GLI2: variants seen among roughly 807,000 people sequenced by gnomAD.
The protein encoded by GLI2 is transcription activator GLI2.
A neutral mutation model predicts 78.9 loss-of-function variants in GLI2; 22 were observed. The ratio of observed to expected loss-of-function variants is 0.28; its 90% confidence interval spans 0.20 to 0.40. GLI2 has a LOEUF of 0.40. GLI2 is among the 10% of genes least tolerant of loss of function. The pLI is 1.00. For synonymous variants in GLI2, 974 were observed against 963.7 expected, an observed-to-expected ratio of 1.01 and a Z score of -0.20; for missense variants, 2,097 against 2,213.2, an observed-to-expected ratio of 0.95 and a Z score of 1.05.
At chr2:120,849,318 C>T (rs979606264) in intron 2 of GLI2, among the ~76,000 whole-genome samples, 1 of 152,118 alleles carries the variant, frequency 6.6e-6, no homozygotes. Context: ...AATGGTAAGT[C>T]TTATGTTATA....
At position 120,968,840 on chromosome 2, in the gene GLI2, T is replaced by C. The variant is rs1573698341; in HGVS notation, c.770T>C (p.Val257Ala). The C allele has an allele frequency of 1.2e-6, 2 of 1,613,844 alleles. No homozygotes were observed. The highest frequency in any genetic ancestry group is 8.5e-7 in the Non-Finnish European group (1 of 1,179,964). The change falls in exon 6 of 14, where the codon GTG becomes GCG. Residue 257 changes from valine to alanine, a missense_variant. Physicochemically the swap from Val to Ala is moderately conservative, Grantham distance 64. Around this residue, in one of 5 missense-constraint regions of GLI2, gnomAD observed 578 missense variants for 612.0 expected, o/e 0.94. Coordinates refer to ENST00000361492, the MANE Select transcript of GLI2 (RefSeq NM_001374353.1). ...RMIRTSPNSL[V>A]AYINNSRSSS... ...ATCCGCACCTCACCCAACTCGCTAG[T>C]GGCCTACATCAACAACTCCCGAAGC... is the stretch of plus-strand genomic sequence containing the variant.
intron 1 of GLI2, among the ~76,000 whole-genome samples, chr2:120,736,865 C>T (rs1682376562): frequency 6.9e-6 from 1 of 145,520 alleles, no homozygotes; most frequent in Admixed American, 6.8e-5. Flanking sequence ...CTGCTGGGCT[C>T]TCCTCCTCGG....
chr2:120,883,087 A>T (rs975241718), intron 2 of GLI2, among the ~76,000 whole-genome samples: 1 of 152,168 alleles, frequency 6.6e-6, no homozygotes, highest in African/African-American at 2.4e-5. Context: ...ATCATAAAGT[A>T]TGTTTAGCTG....
At chr2:120,958,538 A>G (rs1246303304) in intron 5 of GLI2, among the ~76,000 whole-genome samples, 2 of 152,004 alleles carry the variant, frequency 1.3e-5, no homozygotes, top group Non-Finnish European at 2.9e-5. Flanking sequence ...CTCATCCAGC[A>G]TCCCCATCTT....
At chr2:120,801,878 C>T (rs561621003) in intron 2 of GLI2, among the ~76,000 whole-genome samples, 1 of 152,332 alleles carries the variant, frequency 6.6e-6, no homozygotes, top group Non-Finnish European at 1.5e-5. Context: ...GGGCCCGGGG[C>T]TTGGGGCTCC....
intron 2 of GLI2, among the ~76,000 whole-genome samples, chr2:120,922,424 A>G (rs768444613): frequency 1.3e-5 from 2 of 152,046 alleles, no homozygotes; most frequent in Non-Finnish European, 2.9e-5. Flanking sequence ...GGCCCTACTC[A>G]CTGAAGGCCT....
chr2:120,888,512 G>T (rs1677524325), intron 2 of GLI2, among the ~76,000 whole-genome samples: 2 of 152,102 alleles, frequency 1.3e-5, no homozygotes, highest in African/African-American at 2.4e-5. Context: ...CCTGTGCAGT[G>T]TGATTCAGGG....
intron 2 of GLI2, among the ~76,000 whole-genome samples, chr2:120,913,538 C>T (rs1232922598): frequency 6.6e-6 from 1 of 152,078 alleles, no homozygotes; most frequent in Admixed American, 6.5e-5. Context: ...GCCAGGGCTG[C>T]ATTGGATGAG....
chr2:120,879,053 C>G (rs1688908838), intron 2 of GLI2, among the ~76,000 whole-genome samples: 1 of 152,172 alleles, frequency 6.6e-6, no homozygotes, highest in African/African-American at 2.4e-5. Context: ...TGTGTCTCCT[C>G]CGGCATTGCC....
intron 3 of GLI2, among the ~76,000 whole-genome samples, chr2:120,948,063 T>G (rs1680799624): frequency 6.6e-6 from 1 of 152,172 alleles, no homozygotes; most frequent in African/African-American, 2.4e-5. Flanking sequence ...AAGGGAACAG[T>G]CAGTCCTGGA....
Position 120,955,279 on chromosome 2 carries a change from T to C in GLI2, c.492T>C (p.Phe164=), listed in dbSNP as rs754826199. 2.5e-6 allele frequency: 4 copies of C among 1,610,286 alleles called. No individual in the cohort carries two copies. In the Admixed American group the frequency reaches 6.7e-5, roughly 27 times the overall value. The change falls in exon 5 of 14, where the codon TTT becomes TTC. Residue 164 remains phenylalanine, a synonymous_variant. Coordinates refer to ENST00000361492, the MANE Select transcript of GLI2 (RefSeq NM_001374353.1). The stretch of plus-strand genomic sequence containing the variant: ...AGCACCTTAAGGAGAGGGGACTGTT[T>C]GGCCTTCCTGCTCCAGGCACCACCC... ...AQEHLKERGL[F]GLPAPGTTPS... is the part of the protein sequence containing the mutation.
intron 2 of GLI2, among the ~76,000 whole-genome samples, chr2:120,851,346 G>A (rs1687397105): frequency 6.6e-6 from 1 of 152,196 alleles, no homozygotes; most frequent in Admixed American, 6.5e-5. Context: ...GGAGTTTTCA[G>A]TTCTATGTTG....
chr2:120,937,515 C>T (rs1292495908), intron 3 of GLI2, among the ~76,000 whole-genome samples: 1 of 152,132 alleles, frequency 6.6e-6, no homozygotes, highest in Non-Finnish European at 1.5e-5. Flanking sequence ...AAGCCCAGAG[C>T]ACCAGGAATA....
chr2:120,835,384 A>C (rs966011391), intron 2 of GLI2, among the ~76,000 whole-genome samples: 7 of 130,364 alleles, frequency 5.4e-5, no homozygotes, highest in African/African-American at 1.5e-4. Context: ...CAGGCACCAG[A>C]CTTTTTTTTT....
intron 2 of GLI2, among the ~76,000 whole-genome samples, chr2:120,811,578 C>T (rs1483565155): frequency 2.0e-5 from 3 of 152,136 alleles, no homozygotes; most frequent in East Asian, 1.9e-4. Flanking sequence ...CAGGGAGCAG[C>T]GCCTGCTGGA....
chr2:120,914,209 G>A (rs1678978176), intron 2 of GLI2, among the ~76,000 whole-genome samples: 1 of 152,236 alleles, frequency 6.6e-6, no homozygotes, highest in Non-Finnish European at 1.5e-5. Flanking sequence ...GGGGTCGCCA[G>A]TGTATACTGT....
At chr2:120,913,807 C>T (rs914803468) in intron 2 of GLI2, among the ~76,000 whole-genome samples, 96 of 152,298 alleles carry the variant, frequency 6.3e-4, no homozygotes, top group Non-Finnish European at 6.3e-4. Flanking sequence ...CTGTGGCAGG[C>T]CCTGCCTCAG....
chr2:120,796,298 C>T (rs944656003), intron 1 of GLI2, among the ~76,000 whole-genome samples: 6 of 152,156 alleles, frequency 3.9e-5, no homozygotes, highest in African/African-American at 4.8e-5. Context: ...TCACCAGCTC[C>T]ACCGCCACCT....
At chr2:120,919,399 G>T (rs1324337392) in intron 2 of GLI2, among the ~76,000 whole-genome samples, 1 of 152,228 alleles carries the variant, frequency 6.6e-6, no homozygotes, top group Non-Finnish European at 1.5e-5. Flanking sequence ...ACGTAAGAGT[G>T]CCCGACCCGA....
Sources: gnomAD v4.1 joint callset for allele counts (sites outside exome capture counted in the v4.1 genomes callset) on GRCh38, gnomAD v4.1.1 for gene constraint, gnomAD v4.1.1 regional missense constraint, MANE v1.5 for transcripts, NCBI Gene and HGNC (gene_info 2026-07-23, HGNC 2026-07-21) for gene names.